The following DIAPH3 variants were observed in gnomAD, a reference collection of about 807,000 sequenced individuals.
The protein encoded by DIAPH3 is protein diaphanous homolog 3.
DIAPH3 carries 117 observed loss-of-function variants against 144.3 expected under a neutral mutation model. The ratio of observed to expected loss-of-function variants is 0.81; its 90% CI spans 0.70 to 0.95. The LOEUF (loss-of-function observed/expected upper bound fraction) is 0.95, where lower values mean the gene tolerates loss of function less well. Ranked by LOEUF, DIAPH3 falls within the 40% of genes least tolerant of loss-of-function variation. DIAPH3 has a pLI of 0.00. For synonymous variants in DIAPH3, 519 were observed against 488.9 expected (o/e 1.06, Z -0.81); for missense variants, 1,421 against 1,412.7 (o/e 1.01, Z -0.09).
chr13:59,682,818 A>G (rs993075489), intron 27 of DIAPH3, among the ~76,000 whole-genome samples: 1 of 151,950 alleles, frequency 6.6e-6, no homozygotes, highest in Non-Finnish European at 1.5e-5. Context: ...TTTCTCTCAT[A>G]TGTTTTGTAT....
At chr13:59,888,930 T>C (rs2045619733) in intron 20 of DIAPH3, among the ~76,000 whole-genome samples, 1 of 152,130 alleles carries the variant, frequency 6.6e-6, no homozygotes, top group African/African-American at 2.4e-5. Flanking sequence ...TTCTGTTGAC[T>C]TCTGCTGTCT....
chr13:60,077,866 AC>A (rs1288888907), intron 4 of DIAPH3, among the ~76,000 whole-genome samples: 4 of 152,116 alleles, frequency 2.6e-5, no homozygotes, highest in African/African-American at 4.8e-5. Flanking sequence ...CATCCAACAA[AC>A]CAAGTAAGCA....
At chr13:60,117,216 T>C (rs1273510290) in intron 2 of DIAPH3, among the ~76,000 whole-genome samples, 1 of 152,016 alleles carries the variant, frequency 6.6e-6, no homozygotes, top group Non-Finnish European at 1.5e-5. Flanking sequence ...TTTACCCAAA[T>C]GGAAAAATAA....
At chr13:59,819,601 T>C (rs944523904) in intron 24 of DIAPH3, among the ~76,000 whole-genome samples, 2 of 151,782 alleles carry the variant, frequency 1.3e-5, no homozygotes, top group Non-Finnish European at 3.0e-5. Flanking sequence ...TACATGTGTG[T>C]TTCATGACCC....
At chr13:59,940,833 C>T (rs1415569055) in intron 17 of DIAPH3, among the ~76,000 whole-genome samples, 2 of 152,128 alleles carry the variant, frequency 1.3e-5, no homozygotes, top group African/African-American at 2.4e-5. Context: ...CCATTCAAAG[C>T]CTATCTAGCC....
intron 23 of DIAPH3, among the ~76,000 whole-genome samples, chr13:59,836,785 A>G (rs2042064032): frequency 6.6e-6 from 1 of 151,996 alleles, no homozygotes. Context: ...TGAACCAAAC[A>G]TTTGATATGT....
rs542152620 is a variant in DIAPH3, at chr13:59,947,097, C to T, written c.2075-22227G>A. On this transcript the variant is annotated intron_variant, in intron 17 of 27. Transcript: ENST00000400324. ...ATATCTGCAACCACTTAACCTTCATCAACCAACATTCATGCATGCTCATTA... is the reference window on the plus strand; with the variant it reads ...ATATCTGCAACCACTTAACCTTCATTAACCAACATTCATGCATGCTCATTA... Among the ~76,000 whole-genome samples, 7 of 152,292 alleles carry T rather than the reference C, an allele frequency of 4.6e-5. No homozygotes were observed. The South Asian group carries it at 1.5e-3, about 32-fold the overall frequency.
intron 27 of DIAPH3, among the ~76,000 whole-genome samples, chr13:59,687,364 T>C (rs1366701045): frequency 6.6e-6 from 1 of 152,074 alleles, no homozygotes; most frequent in Non-Finnish European, 1.5e-5. Context: ...ATAACTTAGT[T>C]TGGACTTTTA....
At chr13:60,020,472 A>G (rs2053939074) in intron 5 of DIAPH3, among the ~76,000 whole-genome samples, 1 of 152,186 alleles carries the variant, frequency 6.6e-6, no homozygotes, top group Non-Finnish European at 1.5e-5. Flanking sequence ...GGCTCAAGCA[A>G]TCCTCCTGCC....
chr13:59,777,201 CA>C (rs1332711964), intron 25 of DIAPH3, among the ~76,000 whole-genome samples: 5 of 151,968 alleles, frequency 3.3e-5, no homozygotes, highest in Non-Finnish European at 7.4e-5. Flanking sequence ...AGAAAGTGCT[CA>C]AAAATAGATA....
intron 27 of DIAPH3, among the ~76,000 whole-genome samples, chr13:59,710,101 G>A (rs913675164): frequency 5.9e-5 from 9 of 151,944 alleles, no homozygotes; most frequent in African/African-American, 2.2e-4. Flanking sequence ...GTTGTGGGGT[G>A]GGGGTAAGGG....
intron 17 of DIAPH3, among the ~76,000 whole-genome samples, chr13:59,940,935 G>C (rs971213741): frequency 4.6e-5 from 7 of 152,152 alleles, no homozygotes; most frequent in Admixed American, 4.6e-4. Flanking sequence ...AGAGAAAGTA[G>C]AGCCAGATAA....
chr13:59,816,838 T>C (rs1310271744), intron 24 of DIAPH3, among the ~76,000 whole-genome samples: 1 of 151,962 alleles, frequency 6.6e-6, no homozygotes, highest in African/African-American at 2.4e-5. Context: ...TTATCTTTTA[T>C]ATATGTAGGA....
At chr13:59,958,945 G>A (rs1021977226) in intron 17 of DIAPH3, among the ~76,000 whole-genome samples, 2 of 142,252 alleles carry the variant, frequency 1.4e-5, no homozygotes, top group Non-Finnish European at 3.0e-5. Context: ...GCACGATCTC[G>A]GCTCACTGCA....
intron 17 of DIAPH3, among the ~76,000 whole-genome samples, chr13:59,946,692 A>G (rs963052741): frequency 2.0e-5 from 3 of 152,200 alleles, no homozygotes; most frequent in Non-Finnish European, 2.9e-5. Context: ...TATTGTGTAC[A>G]ATATTTTAAT....
At chr13:60,105,473 T>A (rs2058392096) in intron 3 of DIAPH3, among the ~76,000 whole-genome samples, 1 of 152,230 alleles carries the variant, frequency 6.6e-6, no homozygotes, top group African/African-American at 2.4e-5. Context: ...TTCTCATTTA[T>A]CTGGATCTAG....
chr13:59,915,718 A>G (rs995955412), intron 19 of DIAPH3, among the ~76,000 whole-genome samples: 4 of 152,108 alleles, frequency 2.6e-5, no homozygotes, highest in Admixed American at 1.3e-4. Context: ...TACTCATAGG[A>G]GCCCAAATGA....
intron 27 of DIAPH3, among the ~76,000 whole-genome samples, chr13:59,682,796 A>G (rs1184183003): frequency 6.6e-6 from 1 of 152,130 alleles, no homozygotes; most frequent in Non-Finnish European, 1.5e-5. Flanking sequence ...AGCGATGCCA[A>G]CTTGTATTGT....
chr13:59,900,053 A>T (rs1299397692), intron 20 of DIAPH3, among the ~76,000 whole-genome samples: 3 of 152,186 alleles, frequency 2.0e-5, no homozygotes, highest in Non-Finnish European at 4.4e-5. Context: ...TTCAGAGCTC[A>T]ATTCCACTTA....
Sources: allele counts gnomAD v4.1 joint callset (sites outside exome capture counted in the v4.1 genomes callset), GRCh38; gene constraint gnomAD v4.1.1; transcripts MANE v1.5; gene names NCBI Gene and HGNC (gene_info 2026-07-23, HGNC 2026-07-21).